Variants in PAX8 observed in about 807,000 individuals in gnomAD.
The protein encoded by PAX8 is paired box 8.
A neutral mutation model predicts 52.4 loss-of-function variants in PAX8; 15 were observed. The observed-to-expected ratio is 0.29, with a 90% CI of 0.19 to 0.44. PAX8 has a LOEUF of 0.44. Ranked by LOEUF, PAX8 falls within the 20% of genes least tolerant of loss-of-function variation. The pLI is 1.00. For missense variants in PAX8, 554 were observed against 602.5 expected, an observed-to-expected ratio of 0.92 and a Z score of 0.84; for synonymous variants, 284 against 249.7, an observed-to-expected ratio of 1.14 and a Z score of -1.29.
chr2:113,241,917 C>A, intron 6 of PAX8, 91 bp downstream of exon 6: 1 of 1,522,724 alleles, frequency 6.6e-7, no homozygotes, highest in Admixed American at 1.8e-5. Flanking sequence ...TACAAAGTCC[C>A]ATATCATAAG....
chr2:113,247,019 G>A, intron 2 of PAX8, 100 bp from the exon 3 acceptor site: 1 of 1,139,278 alleles, frequency 8.8e-7, no homozygotes, highest in South Asian at 1.3e-5. Context: ...GTGTGTGTTT[G>A]ACTGTGACCA....
chr2:113,233,274 T>C (rs1690010033), intron 9 of PAX8, among the ~76,000 whole-genome samples: 1 of 147,702 alleles, frequency 6.8e-6, no homozygotes, highest in Admixed American at 6.8e-5. Context: ...GCCCACACAC[T>C]GGATGTCCCT....
intron 9 of PAX8, among the ~76,000 whole-genome samples, chr2:113,228,744 C>T (rs1013947287): frequency 7.2e-5 from 11 of 152,184 alleles, no homozygotes; most frequent in African/African-American, 1.9e-4. Flanking sequence ...GCCCTGTTAA[C>T]CAACTTACCA....
In PAX8 at chr2:113,227,213, G is replaced by A. The variant is rs373435385; in HGVS notation, c.1131C>T (p.His377=). ...VGPTLPGYPP[H]IPTSGQGSYA... ...AGCTGCCCTGTCCGCTGGTGGGGATGTGGGGTGGGTATCCGGGCAGCGTGG... is the reference window on the plus strand; with the variant it reads ...AGCTGCCCTGTCCGCTGGTGGGGATATGGGGTGGGTATCCGGGCAGCGTGG... The change falls in exon 10 of 12, where the codon CAC becomes CAT. Residue 377 remains histidine (H), a synonymous_variant. Transcript: ENST00000429538. 5.6e-6 allele frequency: 9 copies of A among 1,611,254 alleles called. No individual in the cohort carries two copies. The African/African-American group carries it at 9.3e-5, about 17-fold the overall frequency.
rs752362948 is a variant in PAX8, at chr2:113,241,603, C to T, written c.725G>A (p.Arg242Gln). ...GGCATAGGCCTCTGGGTAGTGCTGCCGCTCAAATGGGCACTCGAGCGGCTC... is the reference window on the plus strand; with the variant it reads ...GGCATAGGCCTCTGGGTAGTGCTGCTGCTCAAATGGGCACTCGAGCGGCTC... ...HLEPLECPFE[R>Q]QHYPEAYASP... The change falls in exon 7 of 12, where the codon CGG becomes CAG. Residue 242 changes from arginine to glutamine, a missense_variant. By Grantham distance (43) the Arg-to-Gln change is conservative (BLOSUM62 1). Transcript: ENST00000429538. The T allele has an allele frequency of 9.3e-6, 15 of 1,613,254 alleles. No homozygotes were observed. Among genetic ancestry groups the T allele is most frequent in the South Asian group, 6.6e-5 (6 of 91,046 alleles).
At chr2:113,221,785 G>A (rs1689284657) in intron 10 of PAX8, among the ~76,000 whole-genome samples, 1 of 152,158 alleles carries the variant, frequency 6.6e-6, no homozygotes, top group Non-Finnish European at 1.5e-5. Context: ...ACAGGAAGAA[G>A]AGAGATGAAG....
chr2:113,216,851 GGACAA>G lies in PAX8; in HGVS notation c.*1677_*1681del, dbSNP rs1689043445. The G allele has an allele frequency of 4.4e-6, 1 of 227,932 alleles. No individual in the cohort carries two copies. Among genetic ancestry groups the G allele is most frequent in the African/African-American group, 2.2e-5 (1 of 45,022 alleles). The allele number at this position is 227,932 out of a possible 1,614,324, so 14.1% of individuals were successfully genotyped here. ...GGTTGAATCTACTACTTTTCATCTT[GGACAA>G]GACATCTCATTTTTTTCAAAGCCTC... On this transcript the variant is annotated 3_prime_UTR_variant, in exon 12 of 12. Transcript: ENST00000429538.
In PAX8 at chr2:113,223,258, C is replaced by G. The variant is rs1173393207; in HGVS notation, c.1190-3080G>C. 5.3e-5 allele frequency among the ~76,000 whole-genome samples: 8 copies of G among 152,164 alleles called. 1 individual carries two copies. The highest frequency in any genetic ancestry group is 5.2e-4 in the Admixed American group (8 of 15,270). On this transcript the variant is annotated intron_variant, in intron 10 of 11. Coordinates refer to ENST00000429538, the MANE Select transcript of PAX8 (RefSeq NM_003466.4). ...TGCCACCATCATCCATGCCCCAAAC[C>G]TACAAATGATTCTTGTTTCCTCTAT...
At chr2:113,239,742 G>C (rs1180947559) in intron 7 of PAX8, 2 of 151,872 alleles carry the variant, frequency 1.3e-5, no homozygotes, top group African/African-American at 4.8e-5. Context: ...TTTTTTTTCA[G>C]TCTTCAAATA....
chr2:113,226,134 C>T lies in PAX8; in HGVS notation c.1189+1021G>A, dbSNP rs527789565. On this transcript the variant is annotated intron_variant, in intron 10 of 11. Transcript: ENST00000429538. The stretch of plus-strand genomic sequence containing the variant: ...CCTCCCTTCCCTCTGCCCAGGAGAT[C>T]CCAGCCCACCTGCCTCTGCATAGGG... 3 of 985,518 alleles carry T rather than the reference C, an allele frequency of 3.0e-6. No homozygotes were observed. The East Asian group carries it at 3.4e-4, about 112-fold the overall frequency. The allele number at this position is 985,518 out of a possible 1,614,324, so 61.0% of individuals were successfully genotyped here. A position where few individuals can be genotyped will look rare whatever the true frequency, so the allele number is the denominator to read the frequency against.
chr2:113,232,853 C>A (rs1006859924), intron 9 of PAX8, among the ~76,000 whole-genome samples: 7 of 152,134 alleles, frequency 4.6e-5, no homozygotes, highest in Admixed American at 3.9e-4. Context: ...GCTGGTCTTG[C>A]CAAGCTTCTC....
chr2:113,219,894 T>C (rs1689181452), intron 11 of PAX8, among the ~76,000 whole-genome samples, 198 bp downstream of exon 11: 1 of 152,202 alleles, frequency 6.6e-6, no homozygotes, highest in Non-Finnish European at 1.5e-5. Flanking sequence ...TGGAAGCCTC[T>C]GGACTTCTGC....
intron 9 of PAX8, among the ~76,000 whole-genome samples, chr2:113,229,713 T>C (rs1689777611): frequency 6.6e-6 from 1 of 152,244 alleles, no homozygotes; most frequent in South Asian, 2.1e-4. Context: ...AGATAAAATC[T>C]GAGCTTTCTT....
chr2:113,236,609 A>G lies in PAX8; in HGVS notation c.890T>C (p.Val297Ala). 1 of 1,580,726 alleles carries G rather than the reference A, an allele frequency of 6.3e-7. No individual in the cohort carries two copies. Among genetic ancestry groups the G allele is most frequent in the Non-Finnish European group, 8.6e-7 (1 of 1,164,228 alleles). The change falls in exon 8 of 12, where the codon GTG (valine) becomes GCG (alanine). Residue 297 changes from valine to alanine, a missense_variant. Val to Ala is a moderately conservative substitution (Grantham distance 64, BLOSUM62 0). Around this residue, in one of 2 missense-constraint regions of PAX8, gnomAD observed 445 missense variants for 409.9 expected, o/e 1.09. Transcript: ENST00000429538. ...RNLSTHQTYP[V>A]VADPHSPFAI... ...GGCTCCGGGCGTTGTACCTGCCACC[A>G]CGGGGTAGGTCTGGTGAGTCGAGAG...
Position 113,278,817 on chromosome 2 carries a change from C to T in PAX8, c.-76+14G>A. The T allele has an allele frequency of 9.4e-7, 1 of 1,067,704 alleles. No individual in the cohort carries two copies. Among genetic ancestry groups the T allele is most frequent in the South Asian group, 4.1e-5 (1 of 24,196 alleles). 66.1% of individuals were successfully genotyped at this position (1,067,704 alleles called of 1,614,324 possible). On this transcript the variant is annotated intron_variant, in intron 1 of 11. Transcript: ENST00000429538. ...ACTGCTAGCCAGCTTCCAGCTAACC[C>T]CTGGGTGACATACCTGGCCGGCCGG...
intron 9 of PAX8, among the ~76,000 whole-genome samples, chr2:113,227,533 T>C (rs1192907615): frequency 6.6e-6 from 1 of 152,230 alleles, no homozygotes; most frequent in Non-Finnish European, 1.5e-5. Context: ...ACGTGATTGT[T>C]ATCTTATTAA....
intron 5 of PAX8, 133 bp downstream of exon 5, chr2:113,242,557 T>G: frequency 2.6e-6 from 2 of 764,044 alleles, no homozygotes; most frequent in Non-Finnish European, 2.4e-6. Context: ...AGTCTACACA[T>G]GGGTTTGTGA....
chr2:113,277,471 C>T (rs1366866992), intron 2 of PAX8, among the ~76,000 whole-genome samples: 1 of 152,260 alleles, frequency 6.6e-6, no homozygotes, highest in Non-Finnish European at 1.5e-5. Flanking sequence ...ATATTGATTT[C>T]CTCTCACTTC....
chr2:113,250,034 G>A (rs1438348971), intron 2 of PAX8, among the ~76,000 whole-genome samples: 5 of 152,050 alleles, frequency 3.3e-5, no homozygotes, highest in African/African-American at 1.2e-4. Context: ...TTGGGAGGCC[G>A]AGGTGGGTGG....
Sources: gnomAD v4.1 joint callset for allele counts (sites outside exome capture counted in the v4.1 genomes callset) on GRCh38, gnomAD v4.1.1 for gene constraint, gnomAD v4.1.1 regional missense constraint, MANE v1.5 for transcripts, NCBI Gene and HGNC (gene_info 2026-07-23, HGNC 2026-07-21) for gene names.